Variants in KLRG2 observed in about 807,000 individuals in gnomAD.
The protein encoded by KLRG2 is killer cell lectin like receptor G2.
Under a neutral mutation model 35.4 loss-of-function variants are expected in KLRG2, and 39 were observed. The observed-to-expected ratio is 1.10, with a 90% CI of 0.85 to 1.44. The LOEUF (loss-of-function observed/expected upper bound fraction) is 1.44, where lower values mean the gene tolerates loss of function less well. Ranked by LOEUF, KLRG2 falls within the 40% of genes most tolerant of loss-of-function variation. The pLI is 0.00. For synonymous variants in KLRG2, 283 were observed against 265.8 expected (o/e 1.06, Z -0.63); for missense variants, 632 against 570.9 (o/e 1.11, Z -1.09).
At chr7:139,445,513 T>C in the KLRG2 span, among the ~76,000 whole-genome samples, 1 of 151,632 alleles carries the variant, frequency 6.6e-6, no homozygotes, top group Non-Finnish European at 1.5e-5. Flanking sequence ...GAAGGAGAAG[T>C]GACAGGTGGG....
chr7:139,482,136 A>G (rs1019912823), intron 1 of KLRG2, among the ~76,000 whole-genome samples: 2 of 152,076 alleles, frequency 1.3e-5, no homozygotes, highest in Non-Finnish European at 2.9e-5. Flanking sequence ...CCCACTCACT[A>G]TCTACTGAAT....
the KLRG2 span, among the ~76,000 whole-genome samples, chr7:139,427,933 C>T: frequency 3.9e-5 from 6 of 152,132 alleles, no homozygotes; most frequent in African/African-American, 7.2e-5. Flanking sequence ...GCCCGTTTTT[C>T]GGAGTAGGAA....
At chr7:139,438,960 C>A in the KLRG2 span, among the ~76,000 whole-genome samples, 1 of 137,106 alleles carries the variant, frequency 7.3e-6, no homozygotes, top group Admixed American at 7.4e-5. Context: ...TCCCAAAGTG[C>A]TGGGATTACA....
At chr7:139,433,371 G>A in the KLRG2 span, among the ~76,000 whole-genome samples, 1 of 151,976 alleles carries the variant, frequency 6.6e-6, no homozygotes, top group Non-Finnish European at 1.5e-5. Flanking sequence ...TGTTGCACAG[G>A]CTGGAGTACA....
At chr7:139,443,108 T>A in the KLRG2 span, among the ~76,000 whole-genome samples, 1 of 149,878 alleles carries the variant, frequency 6.7e-6, no homozygotes. Context: ...TTTTTTTTTT[T>A]TTTTGAGATG....
chr7:139,434,442 C>CAAG, the KLRG2 span, among the ~76,000 whole-genome samples: 4 of 152,146 alleles, frequency 2.6e-5, no homozygotes, highest in African/African-American at 9.7e-5. Context: ...CATCAACAGC[C>CAAG]AAGCCCCTTT....
At chr7:139,428,601 T>G in the KLRG2 span, among the ~76,000 whole-genome samples, 1 of 152,156 alleles carries the variant, frequency 6.6e-6, no homozygotes, top group Admixed American at 6.6e-5. Flanking sequence ...TCAGAAAGTT[T>G]AATTTACTTG....
At chr7:139,427,106 A>C in the KLRG2 span, among the ~76,000 whole-genome samples, 1 of 152,182 alleles carries the variant, frequency 6.6e-6, no homozygotes, top group Non-Finnish European at 1.5e-5. Context: ...CTGTTATTTG[A>C]AAAAGCATTT....
At position 139,453,562 on chromosome 7, in the gene KLRG2, G is replaced by A; in HGVS notation, c.*25C>T. On this transcript the variant is annotated 3_prime_UTR_variant, in exon 5 of 5. Transcript: ENST00000340940. ...TAGGGGGTGCTGCATCTGCCTGGCA[G>A]GCTGAGGACCAGGCAGAGCCCAGAT... is the stretch of plus-strand genomic sequence containing the variant. 1 of 1,574,230 alleles carries A rather than the reference G, an allele frequency of 6.4e-7. No homozygotes were observed. The highest frequency in any genetic ancestry group is 8.6e-7 in the Non-Finnish European group (1 of 1,160,030).
At chr7:139,458,967 G>C (rs116586686) in intron 3 of KLRG2, among the ~76,000 whole-genome samples, 1 of 152,106 alleles carries the variant, frequency 6.6e-6, no homozygotes, top group East Asian at 1.9e-4. Flanking sequence ...AGGAGCTTCC[G>C]GTCCTTGTCC....
At chr7:139,482,233 G>A (rs1027038050) in intron 1 of KLRG2, among the ~76,000 whole-genome samples, 1 of 152,198 alleles carries the variant, frequency 6.6e-6, no homozygotes, top group African/African-American at 2.4e-5. Context: ...GGCAGTGCAG[G>A]GATGGGGGGA....
Position 139,453,650 on chromosome 7 carries a change from G to C in KLRG2, c.1167C>G (p.Gly389=). The stretch of plus-strand genomic sequence containing the variant: ...TGCTGCAGTTTGCAGCCACCAGCGT[G>C]CCTTCCTCCAGGGCCCCACAGTTGA... The part of the protein sequence containing the change: ...LDINCGALEE[G]TLVAANCSTP... Residue 389 remains glycine (G), a synonymous_variant, in exon 5 of 5, where the codon GGC becomes GGG. Coordinates refer to ENST00000340940, the MANE Select transcript of KLRG2 (RefSeq NM_198508.4). 2 of 1,613,930 alleles carry C rather than the reference G, an allele frequency of 1.2e-6. No homozygotes were observed. Among genetic ancestry groups the C allele is most frequent in the Non-Finnish European group, 1.7e-6 (2 of 1,179,898 alleles).
At chr7:139,476,208 G>C (rs1179602723) in intron 3 of KLRG2, among the ~76,000 whole-genome samples, 1 of 152,152 alleles carries the variant, frequency 6.6e-6, no homozygotes, top group East Asian at 1.9e-4. Flanking sequence ...TTTGAGACAA[G>C]CCTGGGCAAG....
At chr7:139,454,084 G>C (rs1796416306) in intron 4 of KLRG2, 27 bp downstream of exon 4, 1 of 1,271,692 alleles carries the variant, frequency 7.9e-7, no homozygotes. Flanking sequence ...AACAGCAGAG[G>C]AGGGAGAAAA....
At chr7:139,482,746 A>T (rs1796981823) in intron 1 of KLRG2, 140 bp downstream of exon 1, 1 of 622,324 alleles carries the variant, frequency 1.6e-6, no homozygotes, top group Non-Finnish European at 2.4e-6. Flanking sequence ...GAGAGGCCAG[A>T]TCGGGTTGGG....
At chr7:139,455,637 G>C (rs1048274427) in intron 3 of KLRG2, among the ~76,000 whole-genome samples, 3 of 151,986 alleles carry the variant, frequency 2.0e-5, no homozygotes, top group Non-Finnish European at 4.4e-5. Flanking sequence ...TTTTAACTTG[G>C]AAAAAAAAGT....
intron 3 of KLRG2, among the ~76,000 whole-genome samples, chr7:139,464,930 C>G (rs193016535): frequency 6.6e-6 from 1 of 152,262 alleles, no homozygotes; most frequent in African/African-American, 2.4e-5. Context: ...TATACTCGCT[C>G]TTTGTTGAGT....
rs779748703 is a variant in KLRG2, at chr7:139,483,662, G to C, written c.-20C>G. ...CTCCATCCCGCGCGCCCCGCCACCC[G>C]GAGACGCTGAGGAGCGCACCTGGGC... On this transcript the variant is annotated 5_prime_UTR_variant, in exon 1 of 5. Transcript: ENST00000340940. The C allele has an allele frequency of 3.9e-5, 57 of 1,477,096 alleles. No homozygotes were observed. Among genetic ancestry groups the C allele is most frequent in the South Asian group, 1.6e-4 (12 of 74,752 alleles). The allele number at this position is 1,477,096 out of a possible 1,614,324, so 91.5% of individuals were successfully genotyped here.
chr7:139,430,170 A>C, the KLRG2 span, among the ~76,000 whole-genome samples: 2 of 152,226 alleles, frequency 1.3e-5, no homozygotes, highest in Non-Finnish European at 2.9e-5. Flanking sequence ...TGGGAGGCTG[A>C]GGCAGGCAGA....
Sources: allele counts gnomAD v4.1 joint callset (sites outside exome capture counted in the v4.1 genomes callset), GRCh38; gene constraint gnomAD v4.1.1; transcripts MANE v1.5; gene names NCBI Gene and HGNC (gene_info 2026-07-23, HGNC 2026-07-21).